The following DEPDC4 variants were observed in gnomAD, a reference collection of about 807,000 sequenced individuals.
The protein encoded by DEPDC4 is DEP domain-containing protein 4.
A neutral mutation model predicts 52.0 loss-of-function variants in DEPDC4; 52 were observed. The observed-to-expected ratio is 1.00, with a 90% CI of 0.80 to 1.26. DEPDC4 has a LOEUF of 1.26. DEPDC4 is among the 50% of genes most tolerant of loss of function. The pLI, the probability that DEPDC4 is intolerant of heterozygous loss-of-function variation, is 0.00. For synonymous variants in DEPDC4, 201 were observed against 196.8 expected (o/e 1.02, Z -0.18); for missense variants, 530 against 546.9 (o/e 0.97, Z 0.31).
chr12:100,263,720 T>G lies in DEPDC4; in HGVS notation c.331A>C (p.Ser111Arg). The change falls in exon 2 of 10, where the codon AGT becomes CGT. Residue 111 changes from serine (S) to arginine (R), a missense_variant. Physicochemically the swap from Ser to Arg is moderately radical, Grantham distance 110. Coordinates refer to ENST00000550587, the MANE Select transcript of DEPDC4 (RefSeq NM_001364818.2). ...TTAAGACAAGAGATGTCATTGCTAC[T>G]TAGGCACGTGTTTTGCATAAGATGA... Reference protein sequence around the residue: ...LSHLMQNTCLSSNDISCLKGV... With the variant: ...LSHLMQNTCLRSNDISCLKGV... The G allele has an allele frequency of 6.2e-7, 1 of 1,614,162 alleles. No homozygotes were observed.
Position 100,253,464 on chromosome 12 carries a change from TTAAAATA to T in DEPDC4, c.1105+18_1105+24del. The T allele has an allele frequency of 9.2e-7, 1 of 1,081,128 alleles. No individual in the cohort carries two copies. The highest frequency in any genetic ancestry group is 1.4e-5 in the South Asian group (1 of 71,356). 67.0% of individuals were successfully genotyped at this position (1,081,128 alleles called of 1,614,324 possible). On this transcript the variant is annotated intron_variant, in intron 5 of 9. Coordinates refer to ENST00000550587, the MANE Select transcript of DEPDC4 (RefSeq NM_001364818.2). ...TTAAAATGTTTTATTACACCAAAAA[TTAAAATA>T]TAAACATCCTATCTTACCTAAAAGT...
rs2096231943 is a variant in DEPDC4, at chr12:100,256,228, T to C, written c.701-2A>G. 6.2e-7 allele frequency: 1 copy of C among 1,602,536 alleles called. No homozygotes were observed. The highest frequency in any genetic ancestry group is 8.5e-7 in the Non-Finnish European group (1 of 1,171,812). ...ATAATGTTTGTTCTTTCCAAACATC[T>C]TGAAAAGGAAAGTAATGCAATGATC... is the stretch of plus-strand genomic sequence containing the variant. On this transcript the variant is annotated splice_acceptor_variant, in intron 3 of 9. Transcript: ENST00000550587. LOFTEE classifies it high-confidence loss of function.
At position 100,241,555 on chromosome 12, in the gene DEPDC4, AAACAC is replaced by A. The variant is rs2096158860; in HGVS notation, c.*332_*336del. 1 of 682,850 alleles carries A rather than the reference AAACAC, an allele frequency of 1.5e-6. No individual in the cohort carries two copies. The highest frequency in any genetic ancestry group is 2.9e-5 in the South Asian group (1 of 34,160). 42.3% of individuals were successfully genotyped at this position (682,850 alleles called of 1,614,324 possible). On this transcript the variant is annotated 3_prime_UTR_variant, in exon 10 of 10. Transcript: ENST00000550587. ...CTCTACAAAATAAAAATAAAAAATA[AAACAC>A]TTAAAATCCTTTGAGATTATGCTTT...
the DEPDC4 span, among the ~76,000 whole-genome samples, chr12:100,281,179 C>T: frequency 1.2e-4 from 18 of 151,908 alleles, no homozygotes; most frequent in Non-Finnish European, 2.4e-4. Flanking sequence ...CAGGCACATG[C>T]TGCCATTCCT....
the DEPDC4 span, among the ~76,000 whole-genome samples, chr12:100,281,019 G>GTTTTGTTTTTTTT: frequency 1.7e-3 from 88 of 50,496 alleles, 3 homozygotes; most frequent in African/African-American, 6.0e-3. Flanking sequence ...TACCATCAGT[G>GTTTTGTTTTTTTT]TTTTTTTTTT....
intron 8 of DEPDC4, among the ~76,000 whole-genome samples, chr12:100,244,282 G>A (rs1232752739): frequency 6.6e-6 from 1 of 151,188 alleles, no homozygotes; most frequent in African/African-American, 2.4e-5. Flanking sequence ...CTAGGTTCAC[G>A]CCAGTCTCCT....
intron 9 of DEPDC4, 85 bp from the exon 10 acceptor site, chr12:100,241,930 A>G: frequency 1.1e-6 from 1 of 912,028 alleles, no homozygotes; most frequent in Non-Finnish European, 1.4e-6. Context: ...GTACTTATCC[A>G]AACTGGTCTT....
intron 3 of DEPDC4, among the ~76,000 whole-genome samples, chr12:100,260,154 CTT>C (rs1319467858): frequency 1.3e-5 from 2 of 151,694 alleles, no homozygotes; most frequent in Non-Finnish European, 2.9e-5. Context: ...GAGTTTCGCT[CTT>C]GTTGCCCAGG....
In DEPDC4 at chr12:100,256,114, C is replaced by T. The variant is rs748854087; in HGVS notation, c.813G>A (p.Glu271=). The T allele has an allele frequency of 1.9e-6, 3 of 1,613,182 alleles. No individual in the cohort carries two copies. The highest frequency in any genetic ancestry group is 2.5e-6 in the Non-Finnish European group (3 of 1,179,432). Residue 271 remains glutamate, a synonymous_variant, in exon 4 of 10, where the codon GAG becomes GAA. Coordinates refer to ENST00000550587, the MANE Select transcript of DEPDC4 (RefSeq NM_001364818.2). ...VKTQNLQLNK[E]EDLVITNTCL... ...AAGTGTTAGTGATAACAAGATCTTC[C>T]TCTTTGTTTAGTTGAAGATTTTGTG...
At chr12:100,264,013 G>A (rs1289281980) in intron 1 of DEPDC4, 120 bp from the exon 2 acceptor site, 11 of 855,770 alleles carry the variant, frequency 1.3e-5, no homozygotes, top group East Asian at 5.3e-5. Flanking sequence ...TCCTTCTTAC[G>A]TGTCATCTCA....
chr12:100,242,527 G>A lies in DEPDC4; in HGVS notation c.*5C>T, dbSNP rs2096164033. On this transcript the variant is annotated 3_prime_UTR_variant, in exon 9 of 10. Coordinates refer to ENST00000550587, the MANE Select transcript of DEPDC4 (RefSeq NM_001364818.2). ...GGTACTTTTTCTCATTAAATCTCCA[G>A]TATCCTAAGCTGTAGATGTGTAGCT... 6.5e-6 allele frequency: 1 copy of A among 154,698 alleles called. No homozygotes were observed. The highest frequency in any genetic ancestry group is 6.5e-5 in the Admixed American group (1 of 15,274). 9.6% of individuals were successfully genotyped at this position (154,698 alleles called of 1,614,324 possible). A position where few individuals can be genotyped will look rare whatever the true frequency, so the allele number is the denominator to read the frequency against.
chr12:100,269,709 C>G (rs2096285226), upstream of DEPDC4, among the ~76,000 whole-genome samples: 1 of 152,150 alleles, frequency 6.6e-6, no homozygotes, highest in Admixed American at 6.6e-5. Context: ...CATTTGAACT[C>G]AGATTTCCTT....
downstream of DEPDC4, among the ~76,000 whole-genome samples, chr12:100,237,128 A>T (rs912217746): frequency 1.1e-4 from 17 of 150,410 alleles, no homozygotes; most frequent in African/African-American, 4.2e-4. Context: ...ATGCCTCCAG[A>T]TTTGTTCTTT....
upstream of DEPDC4, chr12:100,267,886 C>G (rs1278378376): frequency 6.6e-6 from 1 of 152,410 alleles, no homozygotes; most frequent in East Asian, 1.9e-4. Context: ...CTGACAGTAG[C>G]TTTAGTTCTG....
At chr12:100,274,448 C>G in the DEPDC4 span, among the ~76,000 whole-genome samples, 1 of 152,180 alleles carries the variant, frequency 6.6e-6, no homozygotes, top group Admixed American at 6.5e-5. Context: ...TCTGTGACAA[C>G]CATCTTCTTA....
At position 100,262,303 on chromosome 12, in the gene DEPDC4, T is replaced by C; in HGVS notation, c.661A>G (p.Ile221Val). 2 of 1,612,516 alleles carry C rather than the reference T, an allele frequency of 1.2e-6. No individual in the cohort carries two copies. The highest frequency in any genetic ancestry group is 2.2e-5 in the East Asian group (1 of 44,836). The change falls in exon 3 of 10, where the codon ATC (isoleucine) becomes GTC (valine). Residue 221 changes from isoleucine (I) to valine (V), a missense_variant. Physicochemically the swap from Ile to Val is conservative, Grantham distance 29. Coordinates refer to ENST00000550587, the MANE Select transcript of DEPDC4 (RefSeq NM_001364818.2). ...INGNPALCPN[I>V]TVQKPFLRLS... ...CGGAGAAAAGGTTTCTGAACTGTGA[T>C]ATTTGGACATAAAGCTGGATTCCCA...
In DEPDC4 at chr12:100,241,572, T is replaced by G; in HGVS notation, c.*320A>C. The G allele has an allele frequency of 5.5e-5, 40 of 724,510 alleles. No individual in the cohort carries two copies. The highest frequency in any genetic ancestry group is 9.5e-5 in the East Asian group (1 of 10,568). 44.9% of individuals were successfully genotyped at this position (724,510 alleles called of 1,614,324 possible). On this transcript the variant is annotated 3_prime_UTR_variant, in exon 10 of 10. Transcript: ENST00000550587. Reference sequence around the variant, plus strand: ...AAAAAATAAAACACTTAAAATCCTTTGAGATTATGCTTTCTCTGAAGTGTA... The same window carrying G: ...AAAAAATAAAACACTTAAAATCCTTGGAGATTATGCTTTCTCTGAAGTGTA...
intron 3 of DEPDC4, 23 bp downstream of exon 3, chr12:100,262,240 GA>G: frequency 6.3e-7 from 1 of 1,594,892 alleles, no homozygotes; most frequent in Non-Finnish European, 8.5e-7. Flanking sequence ...ACCATGTTCT[GA>G]AAAAATAATG....
intron 1 of DEPDC4, among the ~76,000 whole-genome samples, chr12:100,265,677 C>A (rs1251829899): frequency 6.6e-6 from 1 of 152,038 alleles, no homozygotes; most frequent in Non-Finnish European, 1.5e-5. Flanking sequence ...TGAAGTAGAG[C>A]TATGTTTATA....
Sources: gnomAD v4.1 joint callset for allele counts (sites outside exome capture counted in the v4.1 genomes callset) on GRCh38, gnomAD v4.1.1 for gene constraint, MANE v1.5 for transcripts, NCBI Gene and HGNC (gene_info 2026-07-23, HGNC 2026-07-21) for gene names.